TCF7L1: variants seen among roughly 807,000 people sequenced by gnomAD.
The protein encoded by TCF7L1 is transcription factor 7 like 1, also known as transcription factor 7-like 1.
In TCF7L1, 18 loss-of-function variants were observed where a neutral mutation model predicts 63.7. That is an observed-to-expected ratio of 0.28 (90% confidence interval 0.20 to 0.42). The LOEUF is 0.42. Among genes scored for constraint, TCF7L1 ranks in the 10% least tolerant of loss-of-function variants. TCF7L1 has a pLI of 1.00. For synonymous variants in TCF7L1, 355 were observed against 340.9 expected (o/e 1.04, Z -0.46); for missense variants, 654 against 779.3 (o/e 0.84, Z 1.91).
At chr2:85,201,433 T>C (rs1249392358) in intron 3 of TCF7L1, among the ~76,000 whole-genome samples, 1 of 152,228 alleles carries the variant, frequency 6.6e-6, no homozygotes, top group Non-Finnish European at 1.5e-5. Context: ...TCTACGTAGA[T>C]TTGATGCATT....
intron 3 of TCF7L1, chr2:85,186,453 A>G (rs1447440789): frequency 6.6e-6 from 1 of 152,168 alleles, no homozygotes; most frequent in Non-Finnish European, 1.5e-5. Context: ...CACTGCTTGC[A>G]TTTAAATTTT....
At chr2:85,273,155 A>G (rs7340132) in intron 3 of TCF7L1, among the ~76,000 whole-genome samples, 72,228 of 152,006 alleles carry the variant, frequency 0.48, 17,692 homozygotes, top group Non-Finnish European at 0.54. Flanking sequence ...CTCTCCTCCC[A>G]CCTCCTCCTC....
At chr2:85,180,781 A>G (rs1472791028) in intron 3 of TCF7L1, among the ~76,000 whole-genome samples, 1 of 152,180 alleles carries the variant, frequency 6.6e-6, no homozygotes, top group Non-Finnish European at 1.5e-5. Context: ...GCCCCAACAC[A>G]TAGGTTAGGA....
intron 3 of TCF7L1, among the ~76,000 whole-genome samples, chr2:85,190,535 A>G (rs551981878): frequency 1.2e-4 from 19 of 152,170 alleles, no homozygotes; most frequent in Non-Finnish European, 2.4e-4. Flanking sequence ...CTTCATGGAC[A>G]CTTACCATAT....
intron 3 of TCF7L1, among the ~76,000 whole-genome samples, chr2:85,230,982 T>C (rs1335811308): frequency 6.6e-6 from 1 of 152,158 alleles, no homozygotes; most frequent in Non-Finnish European, 1.5e-5. Flanking sequence ...TGTCTTGAAA[T>C]CTTGGTCCCC....
chr2:85,251,591 C>A (rs776898604), intron 3 of TCF7L1, among the ~76,000 whole-genome samples: 9 of 152,112 alleles, frequency 5.9e-5, no homozygotes, highest in Non-Finnish European at 1.0e-4. Flanking sequence ...ACAGAAGGGA[C>A]CAGCTGGATA....
intron 3 of TCF7L1, among the ~76,000 whole-genome samples, chr2:85,177,527 A>C (rs1052486893): frequency 6.6e-6 from 1 of 152,026 alleles, no homozygotes; most frequent in African/African-American, 2.4e-5. Flanking sequence ...CAAGAAAACA[A>C]GACCCCATCT....
chr2:85,228,613 T>G (rs550298192), intron 3 of TCF7L1, among the ~76,000 whole-genome samples: 1 of 152,148 alleles, frequency 6.6e-6, no homozygotes, highest in South Asian at 2.1e-4. Flanking sequence ...CCCAAGGAGT[T>G]CAGAATGGTT....
intron 3 of TCF7L1, among the ~76,000 whole-genome samples, chr2:85,229,269 C>T (rs1378514174): frequency 6.6e-6 from 1 of 152,126 alleles, no homozygotes; most frequent in African/African-American, 2.4e-5. Flanking sequence ...ATCACTTGAA[C>T]CCGGGAGGCG....
At chr2:85,236,948 G>C (rs1259570737) in intron 3 of TCF7L1, among the ~76,000 whole-genome samples, 1 of 152,124 alleles carries the variant, frequency 6.6e-6, no homozygotes, top group African/African-American at 2.4e-5. Context: ...GCATCCCTCA[G>C]ACCCCAGGTC....
intron 3 of TCF7L1, among the ~76,000 whole-genome samples, chr2:85,272,063 C>G (rs1213749137): frequency 6.6e-6 from 1 of 152,190 alleles, no homozygotes; most frequent in African/African-American, 2.4e-5. Context: ...GGGTTGCCCC[C>G]CACCCCCGCT....
chr2:85,257,569 G>A (rs1680746690), intron 3 of TCF7L1, among the ~76,000 whole-genome samples: 1 of 152,170 alleles, frequency 6.6e-6, no homozygotes, highest in South Asian at 2.1e-4. Context: ...AGCTCCAAGG[G>A]CCCCCCTTGG....
chr2:85,245,833 T>TAA (rs58364125), intron 3 of TCF7L1, among the ~76,000 whole-genome samples: 4 of 131,308 alleles, frequency 3.0e-5, no homozygotes, highest in African/African-American at 2.7e-5. Context: ...ATTAATTAAT[T>TAA]AAAAAAAAAA....
At chr2:85,226,290 T>A (rs1346533883) in intron 3 of TCF7L1, among the ~76,000 whole-genome samples, 1 of 152,218 alleles carries the variant, frequency 6.6e-6, no homozygotes, top group East Asian at 1.9e-4. Context: ...GCTGGCCTCA[T>A]AAAATGAGTT....
intron 4 of TCF7L1, among the ~76,000 whole-genome samples, chr2:85,302,275 G>T (rs967687095): frequency 6.6e-6 from 1 of 152,166 alleles, no homozygotes; most frequent in South Asian, 2.1e-4. Flanking sequence ...CACAGTGCAC[G>T]TGAGGGGAGC....
chr2:85,281,016 G>T (rs942231023), intron 3 of TCF7L1, among the ~76,000 whole-genome samples: 2 of 119,384 alleles, frequency 1.7e-5, no homozygotes, highest in Admixed American at 1.1e-4. Context: ...ATGTCCATTA[G>T]CTCCTTTTTT....
At chr2:85,244,778 G>A (rs1487256463) in intron 3 of TCF7L1, among the ~76,000 whole-genome samples, 2 of 152,142 alleles carry the variant, frequency 1.3e-5, no homozygotes, top group African/African-American at 2.4e-5. Context: ...CCATGAGACT[G>A]GAGGAGATCC....
chr2:85,309,718 G>A lies in TCF7L1; in HGVS notation c.*256G>A, dbSNP rs1682231638. On this transcript the variant is annotated 3_prime_UTR_variant, in exon 12 of 12. Coordinates refer to ENST00000282111, the MANE Select transcript of TCF7L1 (RefSeq NM_031283.3). ...TGAAAAGTAGCGTGCTATTCGTCCT[G>A]TAGGTGCTGTGGTGGATGGACCTGG... The A allele has an allele frequency of 2.4e-6, 1 of 411,822 alleles. No homozygotes were observed. 25.5% of individuals were successfully genotyped at this position (411,822 alleles called of 1,614,324 possible). A position where few individuals can be genotyped will look rare whatever the true frequency, so the allele number is the denominator to read the frequency against.
At chr2:85,302,347 T>A (rs926186215) in intron 4 of TCF7L1, 137 bp from the exon 5 acceptor site, 7 of 1,197,536 alleles carry the variant, frequency 5.8e-6, no homozygotes, top group Non-Finnish European at 7.3e-6. Flanking sequence ...ACTGCTGTCA[T>A]CTCTCAGGGA....
Sources: allele counts gnomAD v4.1 joint callset (sites outside exome capture counted in the v4.1 genomes callset), GRCh38; gene constraint gnomAD v4.1.1; transcripts MANE v1.5; gene names NCBI Gene and HGNC (gene_info 2026-07-23, HGNC 2026-07-21).